Variants in ADAMTS10 observed in about 807,000 individuals in gnomAD.
ADAMTS10 encodes ADAM metallopeptidase with thrombospondin type 1 motif 10.
A neutral mutation model predicts 135.9 loss-of-function variants in ADAMTS10; 48 were observed. The ratio of observed to expected loss-of-function variants is 0.35; its 90% CI spans 0.28 to 0.45. ADAMTS10 has a LOEUF of 0.45. Ranked by LOEUF, ADAMTS10 falls within the 20% of genes least tolerant of loss-of-function variation. ADAMTS10 has a pLI of 1.00. For missense variants in ADAMTS10, 1,131 were observed against 1,565.2 expected, an observed-to-expected ratio of 0.72 and a Z score of 4.68; for synonymous variants, 621 against 647.5, an observed-to-expected ratio of 0.96 and a Z score of 0.62.
chr19:8,602,174 C>T (rs1245328649), intron 5 of ADAMTS10, among the ~76,000 whole-genome samples: 1 of 152,266 alleles, frequency 6.6e-6, no homozygotes, highest in Admixed American at 6.5e-5. Flanking sequence ...CATGGACCAC[C>T]CAACTGTGAC....
intron 5 of ADAMTS10, among the ~76,000 whole-genome samples, chr19:8,603,336 G>A (rs1421156116): frequency 5.3e-5 from 8 of 152,116 alleles, no homozygotes; most frequent in East Asian, 1.9e-4. Context: ...GTGCAATGGC[G>A]TGATCTCTGC....
At chr19:8,592,616 T>G in intron 13 of ADAMTS10, 147 bp downstream of exon 13, 1 of 824,884 alleles carries the variant, frequency 1.2e-6, no homozygotes, top group Non-Finnish European at 1.9e-6. Flanking sequence ...GCAGTAGGCG[T>G]GGCCACAGCC....
intron 15 of ADAMTS10, among the ~76,000 whole-genome samples, chr19:8,591,034 AC>A (rs572532356): frequency 4.6e-4 from 70 of 151,786 alleles, no homozygotes; most frequent in Non-Finnish European, 9.0e-4. Context: ...CCTCTAAAAC[AC>A]CCCCTCCCCA....
At position 8,586,681 on chromosome 19, in the gene ADAMTS10, C is replaced by A. The variant is rs782179224; in HGVS notation, c.2280G>T (p.Leu760=). Residue 760 remains leucine, a synonymous_variant, in exon 20 of 26, where the codon CTG becomes CTT. Coordinates refer to ENST00000597188, the MANE Select transcript of ADAMTS10 (RefSeq NM_030957.4). ...GACGGTGGGGCTGGGGGGTCCCAGG[C>A]AGCCCCTCCAGCAGCAGGGACTCCT... ...GDQESLLLEG[L]PGTPQPHRLP... is the part of the protein sequence containing the mutation. The A allele has an allele frequency of 6.2e-7, 1 of 1,613,220 alleles. No individual in the cohort carries two copies. Among genetic ancestry groups the A allele is most frequent in the Non-Finnish European group, 8.5e-7 (1 of 1,179,322 alleles).
At position 8,596,286 on chromosome 19, in the gene ADAMTS10, T is replaced by G; in HGVS notation, c.1190+21A>C. ...CGCCCAGCTCCTCCCCTCCTCCCCC[T>G]CTTGTGTGCCCTGGCCTCACGTGTG... is the stretch of plus-strand genomic sequence containing the variant. On this transcript the variant is annotated intron_variant, in intron 10 of 25. Transcript: ENST00000597188. This position sits in a 1 kb window ranked among gnomAD's most constrained non-coding sequence, Gnocchi z 7.2. The G allele has an allele frequency of 6.2e-7, 1 of 1,612,598 alleles. No individual in the cohort carries two copies. The highest frequency in any genetic ancestry group is 8.5e-7 in the Non-Finnish European group (1 of 1,179,954).
chr19:8,598,919 G>A (rs1264269304), intron 6 of ADAMTS10, among the ~76,000 whole-genome samples: 2 of 151,694 alleles, frequency 1.3e-5, no homozygotes, highest in Non-Finnish European at 2.9e-5. Flanking sequence ...GAGAGGCCAG[G>A]CTCAGGCACA....
chr19:8,605,546 G>T lies in ADAMTS10; in HGVS notation c.88+77C>A. On this transcript the variant is annotated intron_variant, in intron 3 of 25. Transcript: ENST00000597188. The surrounding 1 kb of genome is among the most constrained non-coding windows in gnomAD (Gnocchi z 7.7). ...TTGACCCCCATCCCAGCCCCCTGATGCCTCTTTCTGTTGGAGCCCAACTGG... is the reference window on the plus strand; with the variant it reads ...TTGACCCCCATCCCAGCCCCCTGATTCCTCTTTCTGTTGGAGCCCAACTGG... The T allele has an allele frequency of 1.3e-6, 2 of 1,517,800 alleles. No homozygotes were observed. The highest frequency in any genetic ancestry group is 1.8e-6 in the Non-Finnish European group (2 of 1,118,292). 94.0% of individuals were successfully genotyped at this position (1,517,800 alleles called of 1,614,324 possible).
In ADAMTS10 at chr19:8,596,862, C is replaced by T; in HGVS notation, c.1040+125G>A. The T allele has an allele frequency of 6.7e-7, 1 of 1,484,220 alleles. No homozygotes were observed. Among genetic ancestry groups the T allele is most frequent in the South Asian group, 1.2e-5 (1 of 85,282 alleles). 91.9% of individuals were successfully genotyped at this position (1,484,220 alleles called of 1,614,324 possible). On this transcript the variant is annotated intron_variant, in intron 8 of 25. Coordinates refer to ENST00000597188, the MANE Select transcript of ADAMTS10 (RefSeq NM_030957.4). This position sits in a 1 kb window ranked among gnomAD's most constrained non-coding sequence, Gnocchi z 7.2. ...AGCCCCTCCCCATCCCTGGCTCCCT[C>T]ATGGGCAGCCCAAACTTCTCTGCTC... is the stretch of plus-strand genomic sequence containing the variant.
chr19:8,604,984 C>T lies in ADAMTS10; in HGVS notation c.435+28G>A, dbSNP rs782274701. ...TAACTTCCAAACTTATGGGCATTTC[C>T]CCCCGCGTTCCAGAATCCTCAGCTC... On this transcript the variant is annotated intron_variant, in intron 4 of 25. Transcript: ENST00000597188. The T allele has an allele frequency of 5.1e-6, 8 of 1,565,400 alleles. No individual in the cohort carries two copies. In the South Asian group the frequency reaches 8.1e-5, roughly 16 times the overall value.
rs1340013375 is a variant in ADAMTS10 at position 8,605,719 on chromosome 19, C to T, written c.-9G>A. ...TGGCAGGCGGGAGCCATAGAGGCCA[C>T]GTGTCCACATGTCTCTCCCCAGCCC... On this transcript the variant is annotated 5_prime_UTR_variant, in exon 3 of 26. The change creates a new upstream start codon in the 5' untranslated region. Transcript: ENST00000597188. The surrounding 1 kb of genome is among the most constrained non-coding windows in gnomAD (Gnocchi z 7.7). 5 of 1,603,258 alleles carry T rather than the reference C, an allele frequency of 3.1e-6. No individual in the cohort carries two copies. The highest frequency in any genetic ancestry group is 1.7e-5 in the Admixed American group (1 of 58,906).
intron 12 of ADAMTS10, 147 bp downstream of exon 12, chr19:8,595,615 C>CA: frequency 7.7e-7 from 1 of 1,296,324 alleles, no homozygotes; most frequent in Non-Finnish European, 1.1e-6. Flanking sequence ...CCTCTGTCCT[C>CA]CCAGGTCACC....
chr19:8,599,930 G>A (rs963365245), intron 6 of ADAMTS10, among the ~76,000 whole-genome samples: 20 of 151,984 alleles, frequency 1.3e-4, no homozygotes, highest in African/African-American at 4.3e-4. Context: ...CACCTCCCTG[G>A]TTCAAGCGAT....
At chr19:8,592,732 G>C (rs1273436035) in intron 13 of ADAMTS10, 31 bp downstream of exon 13, 11 of 1,591,470 alleles carry the variant, frequency 6.9e-6, no homozygotes, top group Non-Finnish European at 8.5e-6. Context: ...CAGGGGGCGT[G>C]GCCCAGTTGG....
In ADAMTS10 at chr19:8,600,818, CT is replaced by C; in HGVS notation, c.810+109del. The C allele has an allele frequency of 5.0e-6, 7 of 1,392,542 alleles. No homozygotes were observed. The Admixed American group carries it at 1.0e-4, about 20-fold the overall frequency. The allele number at this position is 1,392,542 out of a possible 1,614,324, so 86.3% of individuals were successfully genotyped here. ...CGGCCTGCAACCTTCCTTTCTACCC[CT>C]GTCCCCACGTCAGGGATTGGGGTGG... On this transcript the variant is annotated intron_variant, in intron 6 of 25. Coordinates refer to ENST00000597188, the MANE Select transcript of ADAMTS10 (RefSeq NM_030957.4).
intron 6 of ADAMTS10, among the ~76,000 whole-genome samples, chr19:8,600,144 T>C (rs1207674454): frequency 6.6e-6 from 1 of 152,246 alleles, no homozygotes; most frequent in Non-Finnish European, 1.5e-5. Flanking sequence ...CAAACACTTA[T>C]ATGCCACCTA....
Position 8,586,424 on chromosome 19 carries a change from G to C in ADAMTS10, c.2450C>G (p.Ala817Gly). Residue 817 changes from alanine to glycine, a missense_variant, in exon 21 of 26, where the codon GCC (alanine) becomes GGC (glycine). Physicochemically the swap from Ala to Gly is moderately conservative, Grantham distance 60. Coordinates refer to ENST00000597188, the MANE Select transcript of ADAMTS10 (RefSeq NM_030957.4). ...GGGCAGCGAGTCACGGGCGATGGGG[G>C]CATTGAAGCGGTAGCGGAGGGCAGG... ...ELPALRYRFN[A>G]PIARDSLPPY... 1 of 1,613,994 alleles carries C rather than the reference G, an allele frequency of 6.2e-7. No individual in the cohort carries two copies.
In ADAMTS10 at chr19:8,601,572, G is replaced by A. The variant is rs1359287123; in HGVS notation, c.593-427C>T. 6.6e-6 allele frequency among the ~76,000 whole-genome samples: 1 copy of A among 151,978 alleles called. No homozygotes were observed. Among genetic ancestry groups the A allele is most frequent in the Non-Finnish European group, 1.5e-5 (1 of 67,998 alleles). ...AGACTGCATTTCACCATGTTGGCCAGGCTGGTCTCGAACTCCTGACCTCAA... is the reference window on the plus strand; with the variant it reads ...AGACTGCATTTCACCATGTTGGCCAAGCTGGTCTCGAACTCCTGACCTCAA... On this transcript the variant is annotated intron_variant, in intron 5 of 25. Transcript: ENST00000597188. The surrounding 1 kb of genome is among the most constrained non-coding windows in gnomAD (Gnocchi z 4.6).
Position 8,601,005 on chromosome 19 carries a change from C to G in ADAMTS10, c.733G>C (p.Val245Leu). ...GCCACCATCATCTTGTCAGCCACCA[C>G]CAGGGTCTCCACGTAGCGCTCTCGG... ...VSRERYVETL[V>L]VADKMMVAYH... Residue 245 changes from valine (V) to leucine (L), a missense_variant, in exon 6 of 26, where the codon GTG becomes CTG. By Grantham distance (32) the Val-to-Leu change is conservative. Transcript: ENST00000597188. This position sits in a 1 kb window ranked among gnomAD's most constrained non-coding sequence, Gnocchi z 4.6. The G allele has an allele frequency of 6.2e-7, 1 of 1,614,192 alleles. No homozygotes were observed. The highest frequency in any genetic ancestry group is 8.5e-7 in the Non-Finnish European group (1 of 1,180,044).
chr19:8,608,565 T>C (rs2146110679), intron 1 of ADAMTS10, among the ~76,000 whole-genome samples: 1 of 152,138 alleles, frequency 6.6e-6, no homozygotes, highest in African/African-American at 2.4e-5. Flanking sequence ...GGTAGGAACA[T>C]TCTCATTGCA....
Sources: allele counts gnomAD v4.1 joint callset (sites outside exome capture counted in the v4.1 genomes callset), GRCh38; gene constraint gnomAD v4.1.1; non-coding constraint Gnocchi (gnomAD v3.1); transcripts MANE v1.5; gene names NCBI Gene and HGNC (gene_info 2026-07-23, HGNC 2026-07-21).